Variants in HTR3B observed in about 807,000 individuals in gnomAD.
HTR3B encodes the protein 5-hydroxytryptamine receptor 3B.
In HTR3B, 44 loss-of-function variants were observed where a neutral mutation model predicts 42.8. The ratio of observed to expected loss-of-function variants is 1.03; its 90% CI spans 0.81 to 1.32. The LOEUF is 1.32. HTR3B is among the 40% of genes most tolerant of loss of function. HTR3B has a pLI of 0.00. For missense variants in HTR3B, 527 were observed against 536.5 expected (o/e 0.98, Z 0.17); for synonymous variants, 203 against 209.0 (o/e 0.97, Z 0.25).
intron 2 of HTR3B, among the ~76,000 whole-genome samples, chr11:113,927,211 G>A (rs1041623635): frequency 6.6e-6 from 1 of 152,086 alleles, no homozygotes; most frequent in African/African-American, 2.4e-5. Flanking sequence ...CCATCACCGT[G>A]ATTCAGTCTC....
At chr11:113,901,197 C>T (rs552194098), upstream of HTR3B, among the ~76,000 whole-genome samples, 5 of 152,144 alleles carry the variant, frequency 3.3e-5, no homozygotes, top group African/African-American at 1.2e-4. Context: ...TTCCTAGCTA[C>T]TGGGGAGGCC....
rs965892889 is a variant in HTR3B at position 113,948,104 on chromosome 11, T to A, written c.*1967T>A. ...CATGAAATTCCACTGCTGCTGTTAA[T>A]GAAATGAGGAACATAAGAAGTTTGT... On this transcript the variant is annotated 3_prime_UTR_variant, in exon 9 of 9. Coordinates refer to ENST00000260191, the MANE Select transcript of HTR3B (RefSeq NM_006028.5). Among the ~76,000 whole-genome samples, 1 of 152,188 alleles carries A rather than the reference T, an allele frequency of 6.6e-6. No homozygotes were observed. Among genetic ancestry groups the A allele is most frequent in the African/African-American group, 2.4e-5 (1 of 41,446 alleles).
At chr11:113,899,378 T>G in the HTR3B span, among the ~76,000 whole-genome samples, 2 of 152,238 alleles carry the variant, frequency 1.3e-5, no homozygotes, top group Non-Finnish European at 1.5e-5. Context: ...TATGGGACTC[T>G]ACTCATTAAA....
rs79337808 is a variant in HTR3B, at chr11:113,938,552, T to C, written c.697-4430T>C. On this transcript the variant is annotated intron_variant, in intron 6 of 8. Coordinates refer to ENST00000260191, the MANE Select transcript of HTR3B (RefSeq NM_006028.5). Reference sequence around the variant, plus strand: ...GGGCAGGGAACTGTCTTATTAATAGTACTAACTTCAGTATTTAGGATAGTA... The same window carrying C: ...GGGCAGGGAACTGTCTTATTAATAGCACTAACTTCAGTATTTAGGATAGTA... Among the ~76,000 whole-genome samples the C allele has an allele frequency of 3.9e-5, 6 of 152,208 alleles. No individual in the cohort carries two copies. In the South Asian group the frequency reaches 1.2e-3, roughly 32 times the overall value.
rs112802509 is a variant in HTR3B, at chr11:113,948,680, A to G, written c.*2543A>G. Among the ~76,000 whole-genome samples the G allele has an allele frequency of 0.01, 1,537 of 152,282 alleles. 34 individuals carry two copies. The highest frequency in any genetic ancestry group is 0.035 in the African/African-American group (1,439 of 41,560). On this transcript the variant is annotated 3_prime_UTR_variant, in exon 9 of 9. Coordinates refer to ENST00000260191, the MANE Select transcript of HTR3B (RefSeq NM_006028.5). ...GGAGTTTGAGACCAGCCTGACCAAC[A>G]TGGAGAAACCCTGTCTCTACTAAAA...
chr11:113,944,282 T>TGTTG (rs1950159504), intron 7 of HTR3B, among the ~76,000 whole-genome samples: 1 of 152,096 alleles, frequency 6.6e-6, no homozygotes, highest in Non-Finnish European at 1.5e-5. Flanking sequence ...CCTCCCAAAG[T>TGTTG]GTTGGGATTA....
upstream of HTR3B, among the ~76,000 whole-genome samples, chr11:113,904,050 A>G (rs188601057): frequency 4.1e-4 from 63 of 152,326 alleles, no homozygotes; most frequent in Non-Finnish European, 7.9e-4. Context: ...ATAAAAAAGC[A>G]GGCAGATGTT....
Position 113,909,472 on chromosome 11 carries a change from C to A in HTR3B, c.213+17C>A. 4 of 1,607,540 alleles carry A rather than the reference C, an allele frequency of 2.5e-6. No individual in the cohort carries two copies. Among genetic ancestry groups the A allele is most frequent in the Non-Finnish European group, 3.4e-6 (4 of 1,175,918 alleles). On this transcript the variant is annotated intron_variant, in intron 2 of 8. Coordinates refer to ENST00000260191, the MANE Select transcript of HTR3B (RefSeq NM_006028.5). ...TTGGATGTGGTAAGGACCATCTTGC[C>A]CCTTCCTATTCTTGTTAACGTCTTT...
At chr11:113,927,086 C>A (rs1949982946) in intron 2 of HTR3B, among the ~76,000 whole-genome samples, 1 of 152,094 alleles carries the variant, frequency 6.6e-6, no homozygotes, top group Non-Finnish European at 1.5e-5. Context: ...AATCCTTTAT[C>A]CACTTTGTAT....
At chr11:113,914,057 T>C (rs1009960858) in intron 2 of HTR3B, among the ~76,000 whole-genome samples, 19 of 151,946 alleles carry the variant, frequency 1.3e-4, no homozygotes, top group Admixed American at 1.2e-3. Context: ...TTTTTTTTTT[T>C]ATAAATTACA....
chr11:113,934,401 A>G (rs1419656950), intron 6 of HTR3B, among the ~76,000 whole-genome samples: 1 of 151,916 alleles, frequency 6.6e-6, no homozygotes, highest in Non-Finnish European at 1.5e-5. Context: ...AAAGAAGGAA[A>G]GAAAGAAAAA....
At chr11:113,913,496 C>T (rs1361580670) in intron 2 of HTR3B, among the ~76,000 whole-genome samples, 1 of 149,062 alleles carries the variant, frequency 6.7e-6, no homozygotes, top group Non-Finnish European at 1.5e-5. Context: ...CGGGTGTGAG[C>T]CACCATGCTT....
intron 2 of HTR3B, among the ~76,000 whole-genome samples, chr11:113,923,286 C>A (rs1013589155): frequency 6.6e-6 from 1 of 152,204 alleles, no homozygotes; most frequent in Non-Finnish European, 1.5e-5. Flanking sequence ...GAATGAAGAG[C>A]TTTCAGCCCA....
chr11:113,909,294 G>A lies in HTR3B; in HGVS notation c.53-1G>A, dbSNP rs770505748. ...CTTCACAATGATAGTTTATTTTCCAGGAATTCTAGCCACAGATACACATCA... is the reference window on the plus strand; with the variant it reads ...CTTCACAATGATAGTTTATTTTCCAAGAATTCTAGCCACAGATACACATCA... On this transcript the variant is annotated splice_acceptor_variant, in intron 1 of 8. Transcript: ENST00000260191. LOFTEE classifies it high-confidence loss of function. 6.8e-6 allele frequency: 11 copies of A among 1,611,310 alleles called. No individual in the cohort carries two copies. In the East Asian group the frequency reaches 2.2e-4, roughly 33 times the overall value.
At chr11:113,927,966 C>G (rs932891841) in intron 2 of HTR3B, among the ~76,000 whole-genome samples, 2 of 152,106 alleles carry the variant, frequency 1.3e-5, no homozygotes, top group Non-Finnish European at 2.9e-5. Context: ...TTTGCTGCAC[C>G]TATCAACCCA....
chr11:113,934,759 C>T (rs915624229), intron 6 of HTR3B, among the ~76,000 whole-genome samples: 1 of 146,668 alleles, frequency 6.8e-6, no homozygotes, highest in African/African-American at 2.5e-5. Context: ...AGCAAGCAAG[C>T]TTTTTTTTTT....
chr11:113,935,632 C>G (rs1950085486), intron 6 of HTR3B, among the ~76,000 whole-genome samples: 1 of 152,208 alleles, frequency 6.6e-6, no homozygotes, highest in South Asian at 2.1e-4. Flanking sequence ...TACCAGACAT[C>G]CCACTCTGAA....
intron 2 of HTR3B, among the ~76,000 whole-genome samples, chr11:113,920,589 G>T (rs1949903158): frequency 6.6e-6 from 1 of 151,716 alleles, no homozygotes; most frequent in Non-Finnish European, 1.5e-5. Flanking sequence ...GGCCAGACTG[G>T]TCTCAAACTC....
chr11:113,946,191 G>T lies in HTR3B; in HGVS notation c.*54G>T. On this transcript the variant is annotated 3_prime_UTR_variant, in exon 9 of 9. Transcript: ENST00000260191. ...TGGCACTTAGGAGAGAGAGGAGGGG[G>T]AATAATAGTGGGTTAAAAAGCTTTC... 2 of 1,406,472 alleles carry T rather than the reference G, an allele frequency of 1.4e-6. No individual in the cohort carries two copies. The highest frequency in any genetic ancestry group is 2.0e-6 in the Non-Finnish European group (2 of 999,160). The allele number at this position is 1,406,472 out of a possible 1,614,324, so 87.1% of individuals were successfully genotyped here.
Sources: allele counts gnomAD v4.1 joint callset (sites outside exome capture counted in the v4.1 genomes callset), GRCh38; gene constraint gnomAD v4.1.1; transcripts MANE v1.5; gene names NCBI Gene and HGNC (gene_info 2026-07-23, HGNC 2026-07-21).